VDAC1: variants seen among roughly 807,000 people sequenced by gnomAD.
VDAC1 encodes voltage dependent anion channel 1, also known as non-selective voltage-gated ion channel VDAC1.
A neutral mutation model predicts 34.7 loss-of-function variants in VDAC1; 10 were observed. The ratio of observed to expected loss-of-function variants is 0.29; its 90% CI spans 0.18 to 0.49. The LOEUF is 0.49. Among genes scored for constraint, VDAC1 ranks in the 20% least tolerant of loss-of-function variants. The pLI, the probability that VDAC1 is intolerant of heterozygous loss-of-function variation, is 0.99. For missense variants in VDAC1, 230 were observed against 347.9 expected, an observed-to-expected ratio of 0.66 and a Z score of 2.69; for synonymous variants, 130 against 136.0, an observed-to-expected ratio of 0.96 and a Z score of 0.30.
upstream of VDAC1, chr5:134,005,251 GC>G (rs1183066549): frequency 1.3e-5 from 2 of 152,344 alleles, no homozygotes; most frequent in African/African-American, 2.4e-5. Flanking sequence ...GTGGCCCCCG[GC>G]CCCCCATCAA....
At chr5:134,019,533 T>A in the VDAC1 span, among the ~76,000 whole-genome samples, 1 of 152,148 alleles carries the variant, frequency 6.6e-6, no homozygotes, top group African/African-American at 2.4e-5. Flanking sequence ...TGAGCCATGA[T>A]CGTACCACTG....
the VDAC1 span, among the ~76,000 whole-genome samples, chr5:134,076,854 G>T: frequency 1.3e-5 from 2 of 152,182 alleles, no homozygotes; most frequent in Admixed American, 6.6e-5. Context: ...TGTACAGTTT[G>T]CCTGTTCTTC....
At chr5:134,079,098 G>T in the VDAC1 span, among the ~76,000 whole-genome samples, 2 of 143,124 alleles carry the variant, frequency 1.4e-5, no homozygotes, top group African/African-American at 5.6e-5. Context: ...TCAGCCTCCA[G>T]AGTAGCCAGG....
At chr5:134,022,335 C>G in the VDAC1 span, among the ~76,000 whole-genome samples, 1 of 152,210 alleles carries the variant, frequency 6.6e-6, no homozygotes, top group African/African-American at 2.4e-5. Context: ...ATACCACAGA[C>G]TGGGTAATTT....
the VDAC1 span, among the ~76,000 whole-genome samples, chr5:134,039,428 T>A: frequency 0.12 from 18,567 of 152,168 alleles, 1,364 homozygotes; most frequent in East Asian, 0.31. Flanking sequence ...TCCTGGGTTC[T>A]GGCCATTCTC....
At chr5:134,027,566 AAAG>A in the VDAC1 span, among the ~76,000 whole-genome samples, 1 of 152,122 alleles carries the variant, frequency 6.6e-6, no homozygotes, top group African/African-American at 2.4e-5. Context: ...CAACTTAAAC[AAAG>A]AAGATTGGAA....
At chr5:134,066,753 A>C in the VDAC1 span, among the ~76,000 whole-genome samples, 1 of 152,182 alleles carries the variant, frequency 6.6e-6, no homozygotes, top group South Asian at 2.1e-4. Flanking sequence ...CCTGAATTCC[A>C]ACCAATTAGA....
chr5:134,080,734 A>G, the VDAC1 span, among the ~76,000 whole-genome samples: 1 of 152,156 alleles, frequency 6.6e-6, no homozygotes. Flanking sequence ...CTATTCTAAA[A>G]CAAACATTTG....
upstream of VDAC1, among the ~76,000 whole-genome samples, chr5:134,006,160 G>A (rs1753745175): frequency 6.6e-6 from 1 of 152,256 alleles, no homozygotes; most frequent in African/African-American, 2.4e-5. Flanking sequence ...GGAATGTAAG[G>A]AAGAGCCCCC....
At chr5:133,999,473 G>A (rs185706498) in intron 1 of VDAC1, among the ~76,000 whole-genome samples, 34 of 152,114 alleles carry the variant, frequency 2.2e-4, no homozygotes, top group Non-Finnish European at 4.1e-4. Context: ...ACCCTGCTCT[G>A]TGCCCCCAGA....
chr5:134,114,350 G>A, the VDAC1 span, among the ~76,000 whole-genome samples: 1 of 152,138 alleles, frequency 6.6e-6, no homozygotes, highest in Non-Finnish European at 1.5e-5. Context: ...CCACGGCTGC[G>A]ATGGTAAGCC....
chr5:134,082,308 T>C, the VDAC1 span, among the ~76,000 whole-genome samples: 22 of 152,378 alleles, frequency 1.4e-4, no homozygotes, highest in African/African-American at 5.3e-4. Context: ...CTTGTATAAT[T>C]AAATTATACA....
intron 1 of VDAC1, among the ~76,000 whole-genome samples, chr5:133,995,094 C>G (rs1753248064): frequency 6.6e-6 from 1 of 152,180 alleles, no homozygotes. Context: ...GCACAGCCAC[C>G]TGTCAAAAAA....
the VDAC1 span, among the ~76,000 whole-genome samples, chr5:134,084,763 C>T: frequency 2.6e-5 from 4 of 152,258 alleles, no homozygotes; most frequent in Non-Finnish European, 5.9e-5. Context: ...TCAAAACCTG[C>T]CAGGGGTTAG....
intron 1 of VDAC1, among the ~76,000 whole-genome samples, chr5:134,003,454 C>G (rs904482499): frequency 6.6e-6 from 1 of 152,358 alleles, no homozygotes; most frequent in East Asian, 1.9e-4. Flanking sequence ...TCTCCACATG[C>G]AAACTTACTG....
chr5:134,110,509 G>GA, the VDAC1 span, among the ~76,000 whole-genome samples: 1 of 152,192 alleles, frequency 6.6e-6, no homozygotes, highest in Admixed American at 6.5e-5. Context: ...AACAAACAGT[G>GA]AAACTACACA....
At chr5:134,062,032 G>A in the VDAC1 span, among the ~76,000 whole-genome samples, 1 of 151,572 alleles carries the variant, frequency 6.6e-6, no homozygotes, top group Non-Finnish European at 1.5e-5. Context: ...AGGCTGGAGT[G>A]CAGTGGTATG....
chr5:134,059,228 G>A, the VDAC1 span, among the ~76,000 whole-genome samples: 1 of 152,144 alleles, frequency 6.6e-6, no homozygotes, highest in African/African-American at 2.4e-5. Flanking sequence ...CACTCTTACA[G>A]CTTCCCTCCC....
At chr5:134,024,628 A>C in the VDAC1 span, among the ~76,000 whole-genome samples, 1 of 152,088 alleles carries the variant, frequency 6.6e-6, no homozygotes. Context: ...TAAATAAATA[A>C]AATGACTGCA....
Sources: allele counts gnomAD v4.1 joint callset (sites outside exome capture counted in the v4.1 genomes callset), GRCh38; gene constraint gnomAD v4.1.1; transcripts MANE v1.5; gene names NCBI Gene and HGNC (gene_info 2026-07-23, HGNC 2026-07-21).